The following PID1 variants were observed in gnomAD, a reference collection of about 807,000 sequenced individuals.
PID1 encodes phosphotyrosine interaction domain containing 1.
Under a neutral mutation model 19.1 loss-of-function variants are expected in PID1, and 10 were observed. That is an observed-to-expected ratio of 0.52 (90% confidence interval 0.32 to 0.89). The LOEUF is 0.89. PID1 is among the 40% of genes least tolerant of loss of function. The probability of loss-of-function intolerance (pLI) is 0.03; values close to 1 mark genes in which losing one functional copy is unlikely to be tolerated. For missense variants in PID1, 248 were observed against 285.3 expected, an observed-to-expected ratio of 0.87 and a Z score of 0.94; for synonymous variants, 130 against 116.0, an observed-to-expected ratio of 1.12 and a Z score of -0.78.
chr2:229,203,993 A>G (rs981217145), intron 1 of PID1, among the ~76,000 whole-genome samples: 1 of 152,128 alleles, frequency 6.6e-6, no homozygotes, highest in Non-Finnish European at 1.5e-5. Context: ...CATAGGTCTA[A>G]TGTAATAAAC....
intron 2 of PID1, among the ~76,000 whole-genome samples, chr2:229,045,800 G>A (rs1427217266): frequency 6.6e-6 from 1 of 152,194 alleles, no homozygotes; most frequent in African/African-American, 2.4e-5. Context: ...CTGTCACGGA[G>A]CATGCCCTTC....
intron 2 of PID1, among the ~76,000 whole-genome samples, chr2:229,146,100 A>G (rs1354485654): frequency 6.6e-6 from 1 of 152,190 alleles, no homozygotes; most frequent in African/African-American, 2.4e-5. Context: ...AAAGGACATG[A>G]ACTCATTCTT....
chr2:229,194,060 A>T (rs1264069255), intron 1 of PID1, among the ~76,000 whole-genome samples: 2 of 152,138 alleles, frequency 1.3e-5, no homozygotes, highest in African/African-American at 4.8e-5. Flanking sequence ...TGGTTCAGAA[A>T]GCCTAATGAA....
intron 2 of PID1, among the ~76,000 whole-genome samples, chr2:229,092,091 T>C (rs1431810446): frequency 8.9e-6 from 1 of 112,154 alleles, no homozygotes; most frequent in African/African-American, 5.8e-5. Context: ...TTGATATGAA[T>C]GCCTACTGCA....
chr2:229,153,005 G>A (rs190338507), intron 2 of PID1, among the ~76,000 whole-genome samples: 27 of 152,318 alleles, frequency 1.8e-4, no homozygotes, highest in East Asian at 1.7e-3. Context: ...GCGTGAGCCC[G>A]AGAGAGCGTT....
chr2:229,026,192 C>G, intron 2 of PID1, 84 bp from the exon 3 acceptor site: 3 of 895,020 alleles, frequency 3.4e-6, no homozygotes, highest in Non-Finnish European at 5.4e-6. Context: ...CTGTTCCACA[C>G]AGTCATGGTG....
At chr2:229,061,729 C>G (rs1694216096) in intron 2 of PID1, among the ~76,000 whole-genome samples, 1 of 151,804 alleles carries the variant, frequency 6.6e-6, no homozygotes, top group South Asian at 2.1e-4. Flanking sequence ...ATTAATAGTT[C>G]CAATCCATAA....
At chr2:229,163,748 G>A (rs1003256346) in intron 1 of PID1, among the ~76,000 whole-genome samples, 6 of 151,132 alleles carry the variant, frequency 4.0e-5, no homozygotes, top group African/African-American at 9.7e-5. Flanking sequence ...ACACACACAC[G>A]CACACACACA....
At chr2:229,190,311 T>C (rs530152547) in intron 1 of PID1, among the ~76,000 whole-genome samples, 2 of 152,296 alleles carry the variant, frequency 1.3e-5, no homozygotes, top group South Asian at 2.1e-4. Flanking sequence ...CTGGCAACTG[T>C]ATTATGCAAA....
At chr2:229,186,917 T>C (rs569658044) in intron 1 of PID1, among the ~76,000 whole-genome samples, 1 of 152,324 alleles carries the variant, frequency 6.6e-6, no homozygotes, top group East Asian at 1.9e-4. Flanking sequence ...AAGTCAACTC[T>C]TGAATGCTTT....
intron 2 of PID1, among the ~76,000 whole-genome samples, chr2:229,053,735 C>T (rs1433921310): frequency 2.6e-5 from 4 of 152,112 alleles, no homozygotes; most frequent in African/African-American, 9.7e-5. Context: ...TATAGTTACT[C>T]GAACAGTTGC....
chr2:229,093,899 A>G (rs2106221719), intron 2 of PID1, among the ~76,000 whole-genome samples: 1 of 152,348 alleles, frequency 6.6e-6, no homozygotes, highest in Admixed American at 6.5e-5. Context: ...CTGAAACAAC[A>G]CAAAGATGCC....
At chr2:229,040,511 G>T (rs1162122224) in intron 2 of PID1, among the ~76,000 whole-genome samples, 1 of 152,158 alleles carries the variant, frequency 6.6e-6, no homozygotes, top group African/African-American at 2.4e-5. Context: ...TGGGTAGAAG[G>T]CATGAAGAAG....
At chr2:229,063,213 G>T (rs1694252055) in intron 2 of PID1, among the ~76,000 whole-genome samples, 1 of 151,872 alleles carries the variant, frequency 6.6e-6, no homozygotes, top group Non-Finnish European at 1.5e-5. Context: ...TATAATGTTA[G>T]ATTGTTTATT....
intron 1 of PID1, among the ~76,000 whole-genome samples, chr2:229,241,777 T>C (rs1689876325): frequency 6.6e-6 from 1 of 152,140 alleles, no homozygotes; most frequent in Admixed American, 6.6e-5. Context: ...TAGAATCTTT[T>C]CATTTTTTCA....
chr2:229,076,037 A>G (rs1453246602), intron 2 of PID1, among the ~76,000 whole-genome samples: 1 of 152,226 alleles, frequency 6.6e-6, no homozygotes, highest in South Asian at 2.1e-4. Flanking sequence ...ATTGATCAAA[A>G]GGTGTTCCAT....
At chr2:229,096,328 C>T (rs553194051) in intron 2 of PID1, among the ~76,000 whole-genome samples, 2 of 152,222 alleles carry the variant, frequency 1.3e-5, no homozygotes, top group African/African-American at 4.8e-5. Flanking sequence ...TAGATGTATG[C>T]CACTTTTTGG....
At chr2:229,050,098 T>C (rs1389307227) in intron 2 of PID1, among the ~76,000 whole-genome samples, 1 of 152,194 alleles carries the variant, frequency 6.6e-6, no homozygotes, top group Non-Finnish European at 1.5e-5. Context: ...TTTTCCTAAA[T>C]GACAGCTCCT....
intron 1 of PID1, among the ~76,000 whole-genome samples, chr2:229,254,811 G>T (rs1690248961): frequency 6.6e-6 from 1 of 152,312 alleles, no homozygotes; most frequent in South Asian, 2.1e-4. Flanking sequence ...GAACTATATA[G>T]GGGTCTAATG....
Sources: gnomAD v4.1 joint callset for allele counts (sites outside exome capture counted in the v4.1 genomes callset) on GRCh38, gnomAD v4.1.1 for gene constraint, MANE v1.5 for transcripts, NCBI Gene and HGNC (gene_info 2026-07-23, HGNC 2026-07-21) for gene names.